Variants in CADPS observed in about 807,000 individuals in gnomAD.
CADPS encodes the protein calcium-dependent secretion activator 1.
In CADPS, 57 loss-of-function variants were observed where a neutral mutation model predicts 167.3. The observed-to-expected ratio is 0.34, with a 90% CI of 0.28 to 0.42. CADPS has a LOEUF of 0.42. Ranked by LOEUF, CADPS falls within the 20% of genes least tolerant of loss-of-function variation. CADPS has a pLI of 1.00. For missense variants in CADPS, 1,414 were observed against 1,738.1 expected, an observed-to-expected ratio of 0.81 and a Z score of 3.32; for synonymous variants, 676 against 635.3, an observed-to-expected ratio of 1.06 and a Z score of -0.96.
intron 1 of CADPS, among the ~76,000 whole-genome samples, chr3:62,870,209 TA>T (rs2082375279): frequency 6.6e-6 from 1 of 152,118 alleles, no homozygotes; most frequent in African/African-American, 2.4e-5. Context: ...CAATTCTGTT[TA>T]AAGAAAAATT....
rs761786948 is a variant in CADPS, at chr3:62,412,524, TC to T, written c.3778-9340del. On this transcript the variant is annotated intron_variant, in intron 28 of 29. Transcript: ENST00000383710. The surrounding 1 kb of genome is among the most constrained non-coding windows in gnomAD (Gnocchi z 4.1). Reference sequence around the variant, plus strand: ...TAACATTTGGGAGCATTATTTCAACTCCCTTAGGAAGGTCCCAAATATCTTG... The same window carrying T: ...TAACATTTGGGAGCATTATTTCAACTCCTTAGGAAGGTCCCAAATATCTTG... 7.2e-5 allele frequency among the ~76,000 whole-genome samples: 11 copies of T among 152,340 alleles called. No homozygotes were observed. The highest frequency in any genetic ancestry group is 6.2e-4 in the South Asian group (3 of 4,828).
intron 1 of CADPS, among the ~76,000 whole-genome samples, chr3:62,838,290 G>C (rs2076183855): frequency 6.6e-6 from 1 of 152,202 alleles, no homozygotes; most frequent in South Asian, 2.1e-4. Context: ...CTACACAATT[G>C]AAAGTGTTAT....
chr3:62,581,222 A>C (rs1296738936), intron 8 of CADPS, among the ~76,000 whole-genome samples: 1 of 152,140 alleles, frequency 6.6e-6, no homozygotes, highest in Non-Finnish European at 1.5e-5. Flanking sequence ...TAACCGCCAA[A>C]TCTGATAGGC....
chr3:62,512,821 A>G (rs2068125777), intron 16 of CADPS, 53 bp from the exon 17 acceptor site: 3 of 1,509,982 alleles, frequency 2.0e-6, no homozygotes, highest in Admixed American at 1.8e-5. Flanking sequence ...ACAAGAACAC[A>G]TATGCAGAAT....
chr3:62,594,596 C>T (rs541076729), intron 6 of CADPS, among the ~76,000 whole-genome samples: 1 of 152,222 alleles, frequency 6.6e-6, no homozygotes, highest in East Asian at 1.9e-4. Flanking sequence ...GGGGGTCTGA[C>T]TCTGTTGTCC....
intron 8 of CADPS, among the ~76,000 whole-genome samples, chr3:62,583,780 T>TC (rs957570063): frequency 4.0e-5 from 6 of 150,664 alleles, no homozygotes; most frequent in Admixed American, 6.6e-5. Flanking sequence ...ACCTTGGGCT[T>TC]TTTTTGCTTC....
At position 62,438,537 on chromosome 3, in the gene CADPS, T is replaced by C. The variant is rs906656594; in HGVS notation, c.3670-326A>G. On this transcript the variant is annotated intron_variant, in intron 27 of 29. Transcript: ENST00000383710. This position sits in a 1 kb window ranked among gnomAD's most constrained non-coding sequence, Gnocchi z 4.7. ...ATAACCCATAGATGTTCTCTGACTT[T>C]GCCTTGGATTGAAACCTGCATTAAA... The C allele has an allele frequency of 2.6e-5, 6 of 231,422 alleles. No individual in the cohort carries two copies. Among genetic ancestry groups the C allele is most frequent in the Non-Finnish European group, 5.1e-5 (6 of 118,618 alleles). The allele number at this position is 231,422 out of a possible 1,614,324, so 14.3% of individuals were successfully genotyped here.
rs536375579 is a variant in CADPS at position 62,815,277 on chromosome 3, A to T, written c.442-49293T>A. 3.4e-4 allele frequency among the ~76,000 whole-genome samples: 41 copies of T among 120,158 alleles called. No homozygotes were observed. In the South Asian group the frequency reaches 0.012, roughly 36 times the overall value. 78.8% of individuals were successfully genotyped at this position (120,158 alleles called of 152,430 possible). A position where few individuals can be genotyped will look rare whatever the true frequency, so the allele number is the denominator to read the frequency against. ...CAATGGAATTCTACACATAATGAAC[A>T]TCATCTACTGCTACATAAAAAAAAA... On this transcript the variant is annotated intron_variant, in intron 1 of 29. Coordinates refer to ENST00000383710, the MANE Select transcript of CADPS (RefSeq NM_003716.4).
intron 3 of CADPS, among the ~76,000 whole-genome samples, chr3:62,692,385 G>GT (rs11432959): frequency 0.72 from 108,753 of 151,422 alleles, 39,453 homozygotes; most frequent in East Asian, 0.95. Flanking sequence ...TATGAGTACG[G>GT]TTTTTTCCTG....
chr3:62,610,714 A>T (rs2061388021), intron 6 of CADPS, among the ~76,000 whole-genome samples: 1 of 152,116 alleles, frequency 6.6e-6, no homozygotes, highest in African/African-American at 2.4e-5. Context: ...GAATCATTTG[A>T]ATAGCAAGGG....
chr3:62,462,075 C>T (rs1385611695), intron 26 of CADPS, among the ~76,000 whole-genome samples: 3 of 152,228 alleles, frequency 2.0e-5, no homozygotes, highest in Admixed American at 6.5e-5. Context: ...TTCTTGGCCT[C>T]CTAAAAGAAC....
intron 6 of CADPS, among the ~76,000 whole-genome samples, chr3:62,614,317 CCT>C (rs1346198691): frequency 6.6e-6 from 1 of 152,150 alleles, no homozygotes; most frequent in Non-Finnish European, 1.5e-5. Context: ...TGACCCTCCC[CCT>C]GTCCCCATCT....
At chr3:62,599,485 TA>T (rs945290727) in intron 6 of CADPS, among the ~76,000 whole-genome samples, 5 of 111,800 alleles carry the variant, frequency 4.5e-5, no homozygotes, top group Non-Finnish European at 6.8e-5. Context: ...TGGTTTCTTT[TA>T]TTATATATAT....
At chr3:62,571,972 C>G (rs766871114) in intron 8 of CADPS, among the ~76,000 whole-genome samples, 3 of 152,110 alleles carry the variant, frequency 2.0e-5, no homozygotes, top group Non-Finnish European at 4.4e-5. Flanking sequence ...TTTTCAGGCT[C>G]TATCCAACTA....
At chr3:62,439,681 G>A (rs1273956813) in intron 27 of CADPS, 1 of 152,162 alleles carries the variant, frequency 6.6e-6, no homozygotes, top group Non-Finnish European at 1.5e-5. Flanking sequence ...CTCTACCTGG[G>A]GGACTTGAGA....
intron 6 of CADPS, among the ~76,000 whole-genome samples, chr3:62,613,927 G>T (rs2061866745): frequency 6.6e-6 from 1 of 152,058 alleles, no homozygotes. Context: ...CTCTCTCTAT[G>T]CTTCTTTCCC....
chr3:62,532,985 C>A lies in CADPS; in HGVS notation c.2177G>T (p.Arg726Leu). The A allele has an allele frequency of 6.2e-7, 1 of 1,613,684 alleles. No individual in the cohort carries two copies. Among genetic ancestry groups the A allele is most frequent in the Non-Finnish European group, 8.5e-7 (1 of 1,179,794 alleles). The change falls in exon 13 of 30, where the codon CGA (arginine) becomes CTA (leucine). Residue 726 changes from arginine to leucine, a missense_variant. Coordinates refer to ENST00000383710, the MANE Select transcript of CADPS (RefSeq NM_003716.4). ...CARNGVRGCH[R>L]HLCYLRDLLE... ...CAAGTCTCTGAGGTAGCAGAGATGTCGGTGACACCCCCGGACTCCATTTCG... is the reference window on the plus strand; with the variant it reads ...CAAGTCTCTGAGGTAGCAGAGATGTAGGTGACACCCCCGGACTCCATTTCG...
intron 3 of CADPS, among the ~76,000 whole-genome samples, chr3:62,730,200 T>C (rs901239296): frequency 6.6e-6 from 1 of 152,126 alleles, no homozygotes; most frequent in Non-Finnish European, 1.5e-5. Context: ...CTGACTGACG[T>C]CACATTCCTA....
At chr3:62,722,360 C>G (rs1400410548) in intron 3 of CADPS, among the ~76,000 whole-genome samples, 2 of 152,344 alleles carry the variant, frequency 1.3e-5, no homozygotes, top group Middle Eastern at 3.4e-3. Context: ...GAGCCAGAAC[C>G]TTTATGGAGG....
Sources: allele counts gnomAD v4.1 joint callset (sites outside exome capture counted in the v4.1 genomes callset), GRCh38; gene constraint gnomAD v4.1.1; non-coding constraint Gnocchi (gnomAD v3.1); transcripts MANE v1.5; gene names NCBI Gene and HGNC (gene_info 2026-07-23, HGNC 2026-07-21).